Variants in GRAMD4 observed in about 807,000 individuals in gnomAD.
GRAMD4 encodes GRAM domain containing 4.
A neutral mutation model predicts 83.9 loss-of-function variants in GRAMD4; 25 were observed. That is an observed-to-expected ratio of 0.30 (90% CI 0.22 to 0.42). The LOEUF (loss-of-function observed/expected upper bound fraction) is 0.42, where lower values mean the gene tolerates loss of function less well. Among genes scored for constraint, GRAMD4 ranks in the 10% least tolerant of loss-of-function variants. The pLI is 1.00. For synonymous variants in GRAMD4, 336 were observed against 320.9 expected (o/e 1.05, Z -0.50); for missense variants, 593 against 788.7 (o/e 0.75, Z 2.97).
At chr22:46,662,951 G>T in intron 5 of GRAMD4, 89 bp from the exon 6 acceptor site, 2 of 1,296,248 alleles carry the variant, frequency 1.5e-6, no homozygotes, top group Non-Finnish European at 2.1e-6. Flanking sequence ...CTTGCAGTGA[G>T]GCCCCTCCCT....
chr22:46,647,774 G>A (rs977998663), intron 3 of GRAMD4, among the ~76,000 whole-genome samples: 18 of 152,378 alleles, frequency 1.2e-4, no homozygotes, highest in Middle Eastern at 3.4e-3. Context: ...GCATGCAGTG[G>A]GTGAGACATT....
intron 1 of GRAMD4, among the ~76,000 whole-genome samples, chr22:46,578,377 C>T (rs932534139): frequency 1.3e-5 from 2 of 152,090 alleles, no homozygotes; most frequent in African/African-American, 2.4e-5. Context: ...GACTTGCCTC[C>T]CTCACCCTCC....
At chr22:46,605,296 G>A (rs2081354350) in intron 1 of GRAMD4, among the ~76,000 whole-genome samples, 1 of 152,254 alleles carries the variant, frequency 6.6e-6, no homozygotes, top group Non-Finnish European at 1.5e-5. Flanking sequence ...TTCCTTTTCA[G>A]GGCTGAGTAA....
intron 1 of GRAMD4, among the ~76,000 whole-genome samples, chr22:46,580,186 A>C (rs1297315396): frequency 2.0e-5 from 3 of 152,246 alleles, no homozygotes; most frequent in Non-Finnish European, 4.4e-5. Flanking sequence ...GGCCGGGTTT[A>C]GTGAGTAACA....
intron 1 of GRAMD4, among the ~76,000 whole-genome samples, chr22:46,596,029 T>TC: frequency 6.6e-6 from 1 of 152,370 alleles, no homozygotes; most frequent in Non-Finnish European, 1.5e-5. Flanking sequence ...AAGCGTTGCT[T>TC]CAGTGCATTA....
At chr22:46,682,210 G>A (rs977482539), downstream of GRAMD4, among the ~76,000 whole-genome samples, 3 of 152,232 alleles carry the variant, frequency 2.0e-5, no homozygotes, top group Admixed American at 2.0e-4. Context: ...GGAGCCAAGA[G>A]GCAGTGATGG....
chr22:46,641,621 G>A (rs144301709), intron 3 of GRAMD4, among the ~76,000 whole-genome samples: 396 of 152,226 alleles, frequency 2.6e-3, no homozygotes, highest in African/African-American at 9.3e-3. Flanking sequence ...TGCTGAAGGC[G>A]GCCTAACATG....
chr22:46,622,860 C>T lies in GRAMD4; in HGVS notation c.-50+2295C>T, dbSNP rs966464431. ...CCAGGAGGCGGATCTTGCAGTGAGC[C>T]GAGATCACGCCACTGCACTCCAGCC... is the stretch of plus-strand genomic sequence containing the variant. On this transcript the variant is annotated intron_variant, in intron 1 of 18. Transcript: ENST00000406902. This position sits in a 1 kb window ranked among gnomAD's most constrained non-coding sequence, Gnocchi z 4.0. Among the ~76,000 whole-genome samples, 7 of 148,786 alleles carry T rather than the reference C, an allele frequency of 4.7e-5. No homozygotes were observed. The highest frequency in any genetic ancestry group is 2.0e-4 in the East Asian group (1 of 5,082).
intron 2 of GRAMD4, among the ~76,000 whole-genome samples, chr22:46,632,721 G>A (rs904450048): frequency 6.6e-6 from 1 of 152,230 alleles, no homozygotes; most frequent in African/African-American, 2.4e-5. Flanking sequence ...CTGGTATCCA[G>A]GTGGCTCTCA....
At chr22:46,655,939 C>T (rs377550684) in intron 3 of GRAMD4, among the ~76,000 whole-genome samples, 224 of 152,330 alleles carry the variant, frequency 1.5e-3, no homozygotes, top group African/African-American at 5.1e-3. Flanking sequence ...AGAAAAGTAG[C>T]CGTGCCAGGG....
chr22:46,673,404 C>A (rs2147409348), intron 14 of GRAMD4, among the ~76,000 whole-genome samples: 1 of 152,374 alleles, frequency 6.6e-6, no homozygotes, highest in African/African-American at 2.4e-5. Context: ...TGCAGCACAG[C>A]ATCCCAGCCA....
rs1278240897 is a variant in GRAMD4 at position 46,659,538 on chromosome 22, G to A, written c.404+1231G>A. Reference sequence around the variant, plus strand: ...GCCTGCTATGAGCGCTCCGGGGGCCGTGTGTCATTGTCAGGACTCCAAGTG... The same window carrying A: ...GCCTGCTATGAGCGCTCCGGGGGCCATGTGTCATTGTCAGGACTCCAAGTG... On this transcript the variant is annotated intron_variant, in intron 4 of 18. Transcript: ENST00000406902. This position sits in a 1 kb window ranked among gnomAD's most constrained non-coding sequence, Gnocchi z 4.1. Among the ~76,000 whole-genome samples, 1 of 152,234 alleles carries A rather than the reference G, an allele frequency of 6.6e-6. No homozygotes were observed. Among genetic ancestry groups the A allele is most frequent in the Non-Finnish European group, 1.5e-5 (1 of 68,040 alleles).
intron 1 of GRAMD4, among the ~76,000 whole-genome samples, chr22:46,625,870 C>T (rs550152576): frequency 2.0e-5 from 3 of 152,222 alleles, no homozygotes; most frequent in Non-Finnish European, 4.4e-5. Flanking sequence ...CCCTTTGGCA[C>T]GTGGTGTGTG....
intron 3 of GRAMD4, among the ~76,000 whole-genome samples, chr22:46,644,325 G>T (rs1327730632): frequency 6.7e-6 from 1 of 150,354 alleles, no homozygotes; most frequent in African/African-American, 2.5e-5. Context: ...CCCCTGTTCC[G>T]TGTTACACCT....
At chr22:46,604,205 G>T (rs181618354) in intron 1 of GRAMD4, among the ~76,000 whole-genome samples, 2 of 152,098 alleles carry the variant, frequency 1.3e-5, no homozygotes, top group Non-Finnish European at 2.9e-5. Flanking sequence ...GCCTCCCCCC[G>T]TCAGTCCGGC....
At chr22:46,598,555 T>G (rs1250853225) in intron 1 of GRAMD4, among the ~76,000 whole-genome samples, 1 of 151,950 alleles carries the variant, frequency 6.6e-6, no homozygotes, top group African/African-American at 2.4e-5. Context: ...CGGCTTGATT[T>G]GCTGTGATTT....
intron 4 of GRAMD4, 46 bp downstream of exon 4, chr22:46,658,353 A>ACCCCCCAC: frequency 6.7e-7 from 1 of 1,496,356 alleles, no homozygotes; most frequent in South Asian, 1.2e-5. Context: ...GGCTGCCCCA[A>ACCCCCCAC]CCCCCCACCC....
exon 1 of GRAMD4, chr22:46,577,275 C>G (rs1188644619): frequency 1.0e-6 from 1 of 979,484 alleles, no homozygotes; most frequent in African/African-American, 1.8e-5. Flanking sequence ...AGAGTTGGCC[C>G]CGATATCCGC....
At chr22:46,609,330 C>T (rs2081395685) in intron 1 of GRAMD4, among the ~76,000 whole-genome samples, 1 of 152,222 alleles carries the variant, frequency 6.6e-6, no homozygotes, top group Admixed American at 6.5e-5. Context: ...CCGCAGCCTG[C>T]TGTGCGGGGT....
Sources: allele counts gnomAD v4.1 joint callset (sites outside exome capture counted in the v4.1 genomes callset), GRCh38; gene constraint gnomAD v4.1.1; non-coding constraint Gnocchi (gnomAD v3.1); transcripts MANE v1.5; gene names NCBI Gene and HGNC (gene_info 2026-07-23, HGNC 2026-07-21).